The following COL24A1 variants were observed in gnomAD, a reference collection of about 807,000 sequenced individuals.
COL24A1 encodes the protein collagen alpha-1(XXIV) chain.
COL24A1 carries 224 observed loss-of-function variants against 253.9 expected under a neutral mutation model. That is an observed-to-expected ratio of 0.88 (90% CI 0.79 to 0.99). COL24A1 has a LOEUF of 0.99. Ranked by LOEUF, COL24A1 falls within the 50% of genes least tolerant of loss-of-function variation. COL24A1 has a pLI of 0.00. For synonymous variants in COL24A1, 685 were observed against 673.7 expected, an observed-to-expected ratio of 1.02 and a Z score of -0.26; for missense variants, 2,131 against 2,068.5, an observed-to-expected ratio of 1.03 and a Z score of -0.59.
chr1:86,093,837 A>C (rs1703690480), intron 5 of COL24A1, among the ~76,000 whole-genome samples: 1 of 152,048 alleles, frequency 6.6e-6, no homozygotes, highest in Non-Finnish European at 1.5e-5. Flanking sequence ...GGGATATGAA[A>C]AGAAACTTTT....
At chr1:86,147,177 C>A (rs924771515) in intron 1 of COL24A1, among the ~76,000 whole-genome samples, 12 of 152,106 alleles carry the variant, frequency 7.9e-5, no homozygotes, top group Non-Finnish European at 1.8e-4. Flanking sequence ...GTAATTGGTA[C>A]ATTTTCTATT....
At chr1:86,138,020 T>C (rs1650506919) in intron 2 of COL24A1, among the ~76,000 whole-genome samples, 1 of 152,204 alleles carries the variant, frequency 6.6e-6, no homozygotes, top group South Asian at 2.1e-4. Flanking sequence ...TCATTTTATC[T>C]TACCTAATTT....
chr1:85,768,629 C>A (rs978274492), intron 53 of COL24A1, among the ~76,000 whole-genome samples: 1 of 151,874 alleles, frequency 6.6e-6, no homozygotes, highest in Non-Finnish European at 1.5e-5. Flanking sequence ...TAGAATCACA[C>A]ATATTCAGAT....
intron 14 of COL24A1, among the ~76,000 whole-genome samples, chr1:86,027,223 T>C (rs943844880): frequency 2.0e-5 from 3 of 152,146 alleles, no homozygotes; most frequent in African/African-American, 7.2e-5. Context: ...GAAAAACTGA[T>C]TTTCTGAGGA....
chr1:85,921,164 G>A (rs1055384428), intron 24 of COL24A1, among the ~76,000 whole-genome samples: 9 of 152,160 alleles, frequency 5.9e-5, no homozygotes, highest in African/African-American at 2.2e-4. Flanking sequence ...GGGGTTGGGG[G>A]ACTTCCCTTT....
chr1:85,859,925 C>T (rs957436640), intron 37 of COL24A1, among the ~76,000 whole-genome samples: 2 of 151,964 alleles, frequency 1.3e-5, no homozygotes, highest in Non-Finnish European at 2.9e-5. Flanking sequence ...TAAGTCCAGC[C>T]TGAGCAACAT....
At chr1:86,062,876 G>A (rs1701192980) in intron 8 of COL24A1, among the ~76,000 whole-genome samples, 1 of 152,158 alleles carries the variant, frequency 6.6e-6, no homozygotes, top group African/African-American at 2.4e-5. Flanking sequence ...GAATGAAAGG[G>A]AAAATTGGCT....
rs370727089 is a variant in COL24A1, at chr1:85,730,608, G to A, written c.5083C>T (p.Leu1695Phe). Reference protein sequence around the residue: ...NQLPVIEVQKLPHLKTERKYY... With the variant: ...NQLPVIEVQKFPHLKTERKYY... ...TTTCGTTCAGTTTTGAGATGAGGAA[G>A]TTTTTGTACTTCAATCACTGGAAGT... Residue 1695 changes from leucine (L) to phenylalanine (F), a missense_variant, in exon 60 of 60, where the codon CTT (leucine) becomes TTT (phenylalanine). Coordinates refer to ENST00000370571, the MANE Select transcript of COL24A1 (RefSeq NM_152890.7). 1.1e-5 allele frequency: 17 copies of A among 1,613,890 alleles called. No homozygotes were observed. The African/African-American group carries it at 1.7e-4, about 16-fold the overall frequency.
rs1364902021 is a variant in COL24A1 at position 85,910,003 on chromosome 1, C to T, written c.2617G>A (p.Gly873Arg). Residue 873 changes from glycine (G) to arginine (R), a missense_variant and splice_region_variant, in exon 26 of 60, where the codon GGA (glycine) becomes AGA (arginine). Physicochemically the swap from Gly to Arg is moderately radical, Grantham distance 125 (BLOSUM62 -2). Transcript: ENST00000370571. ...AGTGGGCCTGGACTTCCACGTTCTC[C>T]CTTTTAAGAGAACAAAGAAAAAAGA... ...VGMTGSIGEK[G>R]ERGSPGPLGP... The T allele has an allele frequency of 6.2e-7, 1 of 1,608,516 alleles. No homozygotes were observed. The highest frequency in any genetic ancestry group is 1.3e-5 in the African/African-American group (1 of 74,668).
chr1:85,856,041 C>G (rs1341922538), intron 37 of COL24A1, among the ~76,000 whole-genome samples: 1 of 152,102 alleles, frequency 6.6e-6, no homozygotes, highest in Non-Finnish European at 1.5e-5. Context: ...ATGGTAACAT[C>G]CCCTTTGTCA....
intron 12 of COL24A1, among the ~76,000 whole-genome samples, chr1:86,040,293 C>CT (rs111247711): frequency 0.022 from 3,237 of 149,294 alleles, 42 homozygotes; most frequent in Middle Eastern, 0.071. Flanking sequence ...CTACAAGGCT[C>CT]TTTTTTTTTT....
rs2102491935 is a variant in COL24A1, at chr1:86,156,542, G to A, written c.-146C>T. 1 of 649,568 alleles carries A rather than the reference G, an allele frequency of 1.5e-6. No homozygotes were observed. The highest frequency in any genetic ancestry group is 3.0e-5 in the South Asian group (1 of 33,782). The allele number at this position is 649,568 out of a possible 1,614,324, so 40.2% of individuals were successfully genotyped here. On this transcript the variant is annotated 5_prime_UTR_variant, in exon 1 of 60. Transcript: ENST00000370571. ...CAAACCCGCAACAAGAAAAAAAGGAGGGGAGGGGGTGAAGTCGGGAGGAGG... is the reference window on the plus strand; with the variant it reads ...CAAACCCGCAACAAGAAAAAAAGGAAGGGAGGGGGTGAAGTCGGGAGGAGG...
At chr1:85,895,796 G>T in intron 31 of COL24A1, 62 bp downstream of exon 31, 3 of 1,334,216 alleles carry the variant, frequency 2.2e-6, no homozygotes, top group Admixed American at 2.0e-5. Context: ...TGTTTGAGCA[G>T]CCCCTTTCCC....
intron 22 of COL24A1, among the ~76,000 whole-genome samples, chr1:85,967,461 T>C (rs112534776): frequency 1.3e-5 from 2 of 152,168 alleles, no homozygotes; most frequent in South Asian, 4.1e-4. Flanking sequence ...ACATTCCTAT[T>C]GGGGCTATTA....
intron 5 of COL24A1, among the ~76,000 whole-genome samples, chr1:86,093,665 T>G (rs1703677348): frequency 6.6e-6 from 1 of 152,114 alleles, no homozygotes; most frequent in African/African-American, 2.4e-5. Flanking sequence ...AAAGAGGTTC[T>G]GCACAGAAAA....
In COL24A1 at chr1:85,847,713, T is replaced by G. The variant is rs1454638384; in HGVS notation, c.3414A>C (p.Lys1138Asn). ...CACCCTTAGGACCACTTTTCCCAAT[T>G]TTTCCAGGAGGACCTCTGCTTCCAA... Reference protein sequence around the residue: ...GEVGSRGPPGKIGKSGPKGAR... With the variant: ...GEVGSRGPPGNIGKSGPKGAR... Residue 1138 changes from lysine (K) to asparagine (N), a missense_variant, in exon 39 of 60, where the codon AAA becomes AAC. Lys to Asn is a moderately conservative substitution (Grantham distance 94). Coordinates refer to ENST00000370571, the MANE Select transcript of COL24A1 (RefSeq NM_152890.7). 1 of 1,613,726 alleles carries G rather than the reference T, an allele frequency of 6.2e-7. No individual in the cohort carries two copies. The highest frequency in any genetic ancestry group is 8.5e-7 in the Non-Finnish European group (1 of 1,179,872).
At chr1:86,078,630 T>C (rs1254270329) in intron 7 of COL24A1, among the ~76,000 whole-genome samples, 1 of 152,072 alleles carries the variant, frequency 6.6e-6, no homozygotes, top group Admixed American at 6.5e-5. Flanking sequence ...GTATACAAAA[T>C]CAACATACAA....
At chr1:85,806,218 T>G (rs1051600279) in intron 47 of COL24A1, among the ~76,000 whole-genome samples, 9 of 152,236 alleles carry the variant, frequency 5.9e-5, no homozygotes, top group Non-Finnish European at 1.3e-4. Context: ...CTTTGTTTTA[T>G]TTTTAGAGAA....
intron 43 of COL24A1, among the ~76,000 whole-genome samples, chr1:85,836,571 A>G (rs1433274099): frequency 6.6e-6 from 1 of 152,204 alleles, no homozygotes; most frequent in African/African-American, 2.4e-5. Context: ...GTATAAATCA[A>G]ACTTGTGCTA....
Sources: gnomAD v4.1 joint callset for allele counts (sites outside exome capture counted in the v4.1 genomes callset) on GRCh38, gnomAD v4.1.1 for gene constraint, MANE v1.5 for transcripts, NCBI Gene and HGNC (gene_info 2026-07-23, HGNC 2026-07-21) for gene names.